Variants in NCOA3 observed in about 807,000 individuals in gnomAD.
NCOA3 encodes nuclear receptor coactivator 3.
Under a neutral mutation model 158.8 loss-of-function variants are expected in NCOA3, and 51 were observed. The ratio of observed to expected loss-of-function variants is 0.32; its 90% CI spans 0.26 to 0.41. The LOEUF (loss-of-function observed/expected upper bound fraction) is 0.41, where lower values mean the gene tolerates loss of function less well. Among genes scored for constraint, NCOA3 ranks in the 10% least tolerant of loss-of-function variants. NCOA3 has a pLI of 1.00. For synonymous variants in NCOA3, 537 were observed against 592.4 expected (o/e 0.91, Z 1.36); for missense variants, 1,510 against 1,746.6 (o/e 0.86, Z 2.41).
At chr20:47,635,828 A>G (rs1483283308) in intron 11 of NCOA3, 63 bp from the exon 12 acceptor site, 1 of 1,514,448 alleles carries the variant, frequency 6.6e-7, no homozygotes, top group African/African-American at 1.4e-5. Flanking sequence ...TGAAGAATTA[A>G]GTTGTATTTT....
intron 2 of NCOA3, among the ~76,000 whole-genome samples, chr20:47,600,675 C>T (rs913575790): frequency 6.6e-6 from 1 of 151,534 alleles, no homozygotes; most frequent in Non-Finnish European, 1.5e-5. Flanking sequence ...CTAGCACACC[C>T]AGCTAACGTT....
intron 1 of NCOA3, among the ~76,000 whole-genome samples, chr20:47,563,188 A>G (rs1046706970): frequency 3.9e-5 from 6 of 152,220 alleles, no homozygotes; most frequent in Admixed American, 2.6e-4. Flanking sequence ...TATCCTTTTT[A>G]TATTACATTA....
intron 1 of NCOA3, among the ~76,000 whole-genome samples, chr20:47,510,783 G>A (rs1348894966): frequency 6.6e-6 from 1 of 152,008 alleles, no homozygotes; most frequent in Admixed American, 6.6e-5. Context: ...TGTATAGAAG[G>A]TGTGTCTTTG....
chr20:47,630,125 G>T (rs1356310869), intron 8 of NCOA3: 1 of 152,172 alleles, frequency 6.6e-6, no homozygotes, highest in Admixed American at 6.5e-5. Flanking sequence ...CTAAACTCAG[G>T]AGAGGTGGTT....
At chr20:47,593,005 C>T (rs1191755049) in intron 2 of NCOA3, among the ~76,000 whole-genome samples, 2 of 151,640 alleles carry the variant, frequency 1.3e-5, no homozygotes, top group African/African-American at 4.8e-5. Flanking sequence ...GTGATCTCCT[C>T]TCACTACAAT....
rs999364241 is a variant in NCOA3 at position 47,585,327 on chromosome 20, AGCCACTAC to A, written c.-20+2070_-20+2077del. Among the ~76,000 whole-genome samples, 10 of 152,254 alleles carry A rather than the reference AGCCACTAC, an allele frequency of 6.6e-5. 1 individual carries two copies. Among genetic ancestry groups the A allele is most frequent in the Admixed American group, 3.3e-4 (5 of 15,302 alleles). On this transcript the variant is annotated intron_variant, in intron 2 of 22. Coordinates refer to ENST00000371998, the MANE Select transcript of NCOA3 (RefSeq NM_181659.3). ...CTAAAGTGCTGGGATTATAGGCGTG[AGCCACTAC>A]GCCTGGCCCCTTTTCTTAACTTTTA...
At chr20:47,626,497 C>CTT (rs796464048) in intron 5 of NCOA3, among the ~76,000 whole-genome samples, 1 of 137,700 alleles carries the variant, frequency 7.3e-6, no homozygotes, top group Non-Finnish European at 1.6e-5. Context: ...AATTATTCTT[C>CTT]TTTTTTTTTC....
chr20:47,652,388 CT>C lies in NCOA3; in HGVS notation c.3947-17del, dbSNP rs561793578. On this transcript the variant is annotated splice_polypyrimidine_tract_variant and intron_variant, in intron 20 of 22. Coordinates refer to ENST00000371998, the MANE Select transcript of NCOA3 (RefSeq NM_181659.3). ...AGGCATTTGGGCATTTTTATTTCTT[CT>C]GTTTTATTTTTGTAAGGAATGGGAC... is the stretch of plus-strand genomic sequence containing the variant. The C allele has an allele frequency of 2.0e-4, 318 of 1,574,734 alleles. 9 individuals carry two copies. Among genetic ancestry groups the C allele is most frequent in the South Asian group, 2.0e-3 (175 of 88,512 alleles).
rs3091963 is a variant in NCOA3 at position 47,522,406 on chromosome 20, C to CTTTTTTTTTTTTTT, written c.-99+20392_-99+20405dup. On this transcript the variant is annotated intron_variant, in intron 1 of 22. Transcript: ENST00000371998. ...CAGGCGTGAGCCACAGCGCCCGGCC[C>CTTTTTTTTTTTTTT]TTTTTTTTTTTTTTTTTTGTGGTTT... Among the ~76,000 whole-genome samples, 638 of 127,980 alleles carry CTTTTTTTTTTTTTT rather than the reference C, an allele frequency of 5.0e-3. 11 individuals carry two copies. The highest frequency in any genetic ancestry group is 0.018 in the African/African-American group (612 of 33,560). 84.0% of individuals were successfully genotyped at this position (127,980 alleles called of 152,430 possible).
chr20:47,625,441 G>C lies in NCOA3; in HGVS notation c.317G>C (p.Gly106Ala), dbSNP rs768734881. The part of the protein sequence containing the change: ...QKADVSSTGQ[G>A]VIDKDSLGPL... ...GCCGATGTATCTTCTACAGGGCAGG[G>C]AGTTATTGATAAAGACTCCTTAGGA... The change falls in exon 5 of 23, where the codon GGA becomes GCA. Residue 106 changes from glycine to alanine, a missense_variant. By Grantham distance (60) the Gly-to-Ala change is moderately conservative (BLOSUM62 0). This residue lies in a region of NCOA3 where 309 missense variants were observed against 427.1 expected (regional missense o/e 0.72). Coordinates refer to ENST00000371998, the MANE Select transcript of NCOA3 (RefSeq NM_181659.3). 1.1e-5 allele frequency: 17 copies of C among 1,613,582 alleles called. No homozygotes were observed. Among genetic ancestry groups the C allele is most frequent in the Non-Finnish European group, 1.4e-5 (17 of 1,179,748 alleles).
At chr20:47,512,022 A>T (rs974500946) in intron 1 of NCOA3, among the ~76,000 whole-genome samples, 2 of 152,000 alleles carry the variant, frequency 1.3e-5, no homozygotes, top group African/African-American at 4.8e-5. Context: ...TATACAAATT[A>T]AAAAAAATCA....
At chr20:47,525,925 G>A (rs2146094601) in intron 1 of NCOA3, among the ~76,000 whole-genome samples, 1 of 150,408 alleles carries the variant, frequency 6.6e-6, no homozygotes, top group Admixed American at 6.6e-5. Flanking sequence ...TGGGGCGGCT[G>A]GCCGGGCGGG....
Position 47,636,374 on chromosome 20 carries a change from C to T in NCOA3, c.1988C>T (p.Thr663Ile), listed in dbSNP as rs1176208298. The change falls in exon 12 of 23, where the codon ACA (threonine) becomes ATA (isoleucine). Residue 663 changes from threonine to isoleucine, a missense_variant. Thr to Ile is a moderately conservative substitution (Grantham distance 89, BLOSUM62 -1). Around this residue, in one of 4 missense-constraint regions of NCOA3, gnomAD observed 1,017 missense variants for 1,098.3 expected, o/e 0.93. Coordinates refer to ENST00000371998, the MANE Select transcript of NCOA3 (RefSeq NM_181659.3). ...AGCCCCTCTGGAGTCTCCTCCTCTA[C>T]ATCTGGAGGAGTATCCTCTACATCC... Reference protein sequence around the residue: ...VTSPSGVSSSTSGGVSSTSNM... With the variant: ...VTSPSGVSSSISGGVSSTSNM... 1 of 1,614,134 alleles carries T rather than the reference C, an allele frequency of 6.2e-7. No homozygotes were observed. Among genetic ancestry groups the T allele is most frequent in the Admixed American group, 1.7e-5 (1 of 60,016 alleles).
chr20:47,631,289 T>G (rs1390991803), intron 8 of NCOA3: 1 of 152,268 alleles, frequency 6.6e-6, no homozygotes, highest in African/African-American at 2.4e-5. Context: ...AGATGCAGTT[T>G]TGGTTCCTTG....
chr20:47,531,093 T>C (rs1215784663), intron 1 of NCOA3, among the ~76,000 whole-genome samples: 2 of 152,176 alleles, frequency 1.3e-5, no homozygotes, highest in African/African-American at 4.8e-5. Context: ...ATCCCAGTAC[T>C]TTGGGAGACT....
intron 1 of NCOA3, among the ~76,000 whole-genome samples, chr20:47,511,526 T>TCG (rs1569310826): frequency 3.0e-3 from 16 of 5,258 alleles, no homozygotes; most frequent in African/African-American, 3.1e-3. Context: ...TCTCTCGAGA[T>TCG]ATATATATAT....
chr20:47,566,280 G>C (rs747815813), intron 1 of NCOA3, among the ~76,000 whole-genome samples: 47 of 152,066 alleles, frequency 3.1e-4, no homozygotes, highest in Non-Finnish European at 5.4e-4. Flanking sequence ...TGAGTCCCAA[G>C]CTGGAATTTG....
intron 2 of NCOA3, among the ~76,000 whole-genome samples, chr20:47,588,400 G>T (rs1455532198): frequency 1.3e-5 from 2 of 149,750 alleles, no homozygotes; most frequent in Non-Finnish European, 3.0e-5. Flanking sequence ...CTCCCAAGGT[G>T]CTGGGATTAC....
chr20:47,650,928 C>T (rs1602547640), intron 19 of NCOA3, 54 bp from the exon 20 acceptor site: 2 of 1,531,456 alleles, frequency 1.3e-6, no homozygotes, highest in South Asian at 2.3e-5. Flanking sequence ...TATATGTATG[C>T]AACTGGCAGG....
Sources: allele counts gnomAD v4.1 joint callset (sites outside exome capture counted in the v4.1 genomes callset), GRCh38; gene constraint gnomAD v4.1.1; regional missense constraint gnomAD v4.1.1; transcripts MANE v1.5; gene names NCBI Gene and HGNC (gene_info 2026-07-23, HGNC 2026-07-21).